The following IFI27L1 variants were observed in gnomAD, a reference collection of about 807,000 sequenced individuals.
IFI27L1 encodes interferon alpha-inducible protein 27-like protein 1.
A neutral mutation model predicts 9.2 loss-of-function variants in IFI27L1; 3 were observed. The ratio of observed to expected loss-of-function variants is 0.32; its 90% CI spans 0.15 to 0.84. The LOEUF is 0.84. Among genes scored for constraint, IFI27L1 ranks in the 40% least tolerant of loss-of-function variants. IFI27L1 has a pLI of 0.56. For missense variants in IFI27L1, 133 were observed against 134.2 expected (o/e 0.99, Z 0.05); for synonymous variants, 53 against 50.0 (o/e 1.06, Z -0.26).
At chr14:94,081,591 A>AC (rs1886108704) in intron 1 of IFI27L1, 142 bp downstream of exon 1, 1 of 152,314 alleles carries the variant, frequency 6.6e-6, no homozygotes, top group African/African-American at 2.4e-5. Context: ...TTTATTAAGT[A>AC]CTTTACTCCG....
intron 1 of IFI27L1, chr14:94,088,107 C>G (rs1158770114): frequency 1.6e-6 from 1 of 621,260 alleles, no homozygotes; most frequent in African/African-American, 1.8e-5. Context: ...CCTGGCTTCC[C>G]CATATGCCAG....
chr14:94,102,180 C>A lies in IFI27L1; in HGVS notation c.223+205C>A, dbSNP rs1009799111. 7.1e-5 allele frequency: 44 copies of A among 623,180 alleles called. No individual in the cohort carries two copies. In the Admixed American group the frequency reaches 9.3e-4, roughly 13 times the overall value. 38.6% of individuals were successfully genotyped at this position (623,180 alleles called of 1,614,324 possible). ...CATTCCTGGTGAACCCTACAAAACC[C>A]AGGCAGGTCTCCTCCCCTCTCTGGG... On this transcript the variant is annotated intron_variant, in intron 4 of 4. Coordinates refer to ENST00000555523, the MANE Select transcript of IFI27L1 (RefSeq NM_206949.3).
intron 1 of IFI27L1, among the ~76,000 whole-genome samples, chr14:94,082,242 ATT>A (rs1886132733): frequency 6.6e-6 from 1 of 151,704 alleles, no homozygotes; most frequent in African/African-American, 2.4e-5. Context: ...CAAGGCCCTG[ATT>A]CTCTTCTATT....
chr14:94,102,610 G>T lies in IFI27L1; in HGVS notation c.*42G>T, dbSNP rs757514901. 8.6e-7 allele frequency: 1 copy of T among 1,163,746 alleles called. No homozygotes were observed. Among genetic ancestry groups the T allele is most frequent in the South Asian group, 1.6e-5 (1 of 61,896 alleles). The allele number at this position is 1,163,746 out of a possible 1,614,324, so 72.1% of individuals were successfully genotyped here. A position where few individuals can be genotyped will look rare whatever the true frequency, so the allele number is the denominator to read the frequency against. On this transcript the variant is annotated 3_prime_UTR_variant, in exon 5 of 5. Coordinates refer to ENST00000555523, the MANE Select transcript of IFI27L1 (RefSeq NM_206949.3). ...GGGAGTTGGCTCTCTTGGTGGAGAT[G>T]ACTTTCCTGGGCCTCTGGATGACAA...
intron 1 of IFI27L1, among the ~76,000 whole-genome samples, chr14:94,091,833 A>G (rs1433167043): frequency 6.6e-6 from 1 of 151,858 alleles, no homozygotes; most frequent in Non-Finnish European, 1.5e-5. Context: ...TTAATATAAC[A>G]TGAAAATCAG....
rs150587195 is a variant in IFI27L1, at chr14:94,085,551, G to A, written c.-52+4102G>A. On this transcript the variant is annotated intron_variant, in intron 1 of 4. Transcript: ENST00000555523. ...AAGTTGGGGGAAAACACATTTCGGC[G>A]AAACATCCCACAGTGTTAAGTAGTT... Among the ~76,000 whole-genome samples, 429 of 152,190 alleles carry A rather than the reference G, an allele frequency of 2.8e-3. 3 individuals carry two copies. Among genetic ancestry groups the A allele is most frequent in the African/African-American group, 9.9e-3 (409 of 41,520 alleles).
In IFI27L1 at chr14:94,092,464, T is replaced by C. The variant is rs569371468; in HGVS notation, c.-51-4423T>C. ...AGGTGGAGGATGCAGTGAGCCAAGA[T>C]TGCACCACTGCACTCCAGTCTGGGC... On this transcript the variant is annotated intron_variant, in intron 1 of 4. Coordinates refer to ENST00000555523, the MANE Select transcript of IFI27L1 (RefSeq NM_206949.3). Among the ~76,000 whole-genome samples the C allele has an allele frequency of 7.9e-5, 12 of 152,108 alleles. No individual in the cohort carries two copies. In the South Asian group the frequency reaches 1.7e-3, roughly 21 times the overall value.
intron 1 of IFI27L1, among the ~76,000 whole-genome samples, chr14:94,085,963 C>T (rs1310420443): frequency 5.9e-5 from 9 of 152,170 alleles, no homozygotes; most frequent in East Asian, 1.9e-4. Flanking sequence ...AAAAAACATA[C>T]GTATGTATAA....
chr14:94,095,575 G>A (rs1278722860), intron 1 of IFI27L1, among the ~76,000 whole-genome samples: 1 of 152,168 alleles, frequency 6.6e-6, no homozygotes, highest in Non-Finnish European at 1.5e-5. Flanking sequence ...CTTCTGGTGA[G>A]GCCTCAGGAA....
intron 1 of IFI27L1, chr14:94,088,304 G>T (rs1271241499): frequency 2.0e-5 from 14 of 702,196 alleles, no homozygotes; most frequent in Non-Finnish European, 3.6e-5. Context: ...GATGCAGAAG[G>T]TAAGTTTTCA....
At chr14:94,102,437 C>G in intron 4 of IFI27L1, 40 bp from the exon 5 acceptor site, 1 of 1,336,780 alleles carries the variant, frequency 7.5e-7, no homozygotes, top group Non-Finnish European at 1.0e-6. Flanking sequence ...GAGCTGCTAC[C>G]CCTCCCTGTG....
chr14:94,092,497 C>T (rs7494529), intron 1 of IFI27L1, among the ~76,000 whole-genome samples: 44,156 of 151,938 alleles, frequency 0.29, 6,786 homozygotes, highest in East Asian at 0.5. Flanking sequence ...GGCAACAGAG[C>T]GAGACTCCAT....
At chr14:94,095,544 A>G (rs1254622918) in intron 1 of IFI27L1, among the ~76,000 whole-genome samples, 1 of 152,186 alleles carries the variant, frequency 6.6e-6, no homozygotes, top group Non-Finnish European at 1.5e-5. Context: ...TTATACAAGC[A>G]TGGCACCAAC....
intron 1 of IFI27L1, among the ~76,000 whole-genome samples, chr14:94,096,012 C>T (rs1282837958): frequency 6.6e-6 from 1 of 151,958 alleles, no homozygotes; most frequent in Non-Finnish European, 1.5e-5. Context: ...GAATGTGTGG[C>T]CAGGGAAGTC....
At chr14:94,091,942 G>A (rs1054236638) in intron 1 of IFI27L1, among the ~76,000 whole-genome samples, 2 of 151,696 alleles carry the variant, frequency 1.3e-5, no homozygotes, top group Non-Finnish European at 2.9e-5. Context: ...TGAGCAACAT[G>A]GTGAAACCCT....
chr14:94,093,568 A>T (rs567017671), intron 1 of IFI27L1, among the ~76,000 whole-genome samples: 1 of 152,304 alleles, frequency 6.6e-6, no homozygotes, highest in South Asian at 2.1e-4. Flanking sequence ...TAGCTGACAA[A>T]TGGCATGGAG....
intron 1 of IFI27L1, among the ~76,000 whole-genome samples, chr14:94,086,180 T>C (rs907358732): frequency 6.6e-6 from 1 of 152,158 alleles, no homozygotes; most frequent in Non-Finnish European, 1.5e-5. Flanking sequence ...TAAAAGTGTG[T>C]GGCGCCTCCC....
At chr14:94,099,387 A>G (rs572796326) in intron 2 of IFI27L1, among the ~76,000 whole-genome samples, 1 of 152,210 alleles carries the variant, frequency 6.6e-6, no homozygotes, top group South Asian at 2.1e-4. Flanking sequence ...GAGGCAAGAG[A>G]GGAGGTGGTG....
intron 2 of IFI27L1, among the ~76,000 whole-genome samples, chr14:94,099,856 A>G (rs1394865407): frequency 9.3e-6 from 1 of 107,552 alleles, no homozygotes; most frequent in South Asian, 3.4e-4. Flanking sequence ...ACAGAATGCT[A>G]ATAGAACTAA....
Sources: gnomAD v4.1 joint callset for allele counts (sites outside exome capture counted in the v4.1 genomes callset) on GRCh38, gnomAD v4.1.1 for gene constraint, MANE v1.5 for transcripts, NCBI Gene and HGNC (gene_info 2026-07-23, HGNC 2026-07-21) for gene names.